Variants in CNTNAP5 observed in about 807,000 individuals in gnomAD.
The protein encoded by CNTNAP5 is contactin-associated protein-like 5.
A neutral mutation model predicts 150.2 loss-of-function variants in CNTNAP5; 72 were observed. The observed-to-expected ratio is 0.48, with a 90% CI of 0.40 to 0.58. The LOEUF is 0.58. Ranked by LOEUF, CNTNAP5 falls within the 20% of genes least tolerant of loss-of-function variation. CNTNAP5 has a pLI of 0.00. For synonymous variants in CNTNAP5, 672 were observed against 619.8 expected, an observed-to-expected ratio of 1.08 and a Z score of -1.25; for missense variants, 1,636 against 1,626.2, an observed-to-expected ratio of 1.01 and a Z score of -0.10.
chr2:124,488,102 A>G (rs1558923884), intron 7 of CNTNAP5, among the ~76,000 whole-genome samples: 2 of 152,228 alleles, frequency 1.3e-5, no homozygotes, highest in Non-Finnish European at 2.9e-5. Context: ...ATACTTATAG[A>G]TTATAGGAAA....
chr2:124,226,739 A>G (rs1038021755), intron 2 of CNTNAP5, among the ~76,000 whole-genome samples: 3 of 152,102 alleles, frequency 2.0e-5, no homozygotes, highest in African/African-American at 7.2e-5. Context: ...TTACAGTGAT[A>G]GAAGTTGAGA....
At chr2:124,079,697 G>T (rs1682516819) in intron 1 of CNTNAP5, among the ~76,000 whole-genome samples, 1 of 152,130 alleles carries the variant, frequency 6.6e-6, no homozygotes, top group Non-Finnish European at 1.5e-5. Context: ...TCATGTGTAT[G>T]TGCGTGTGTA....
intron 12 of CNTNAP5, among the ~76,000 whole-genome samples, chr2:124,642,903 C>A (rs59554866): frequency 7.0e-4 from 106 of 152,280 alleles, no homozygotes; most frequent in African/African-American, 2.2e-3. Context: ...TTGGGAAATA[C>A]TTTACTGGTT....
In CNTNAP5 at chr2:124,474,837, C is replaced by T. The variant is rs750657731; in HGVS notation, c.1017C>T (p.Asn339=). The change falls in exon 7 of 24, where the codon AAC becomes AAT. Residue 339 remains asparagine (N), a synonymous_variant. Coordinates refer to ENST00000682447, the MANE Select transcript of CNTNAP5 (RefSeq NM_001367498.1). ...CIENLYYNGV[N]IIDLAKRRKH... is the part of the protein sequence containing the mutation. ...AAAACCTTTACTACAATGGAGTAAA[C>T]ATAATTGACCTGGCTAAGAGACGAA... The T allele has an allele frequency of 3.7e-6, 6 of 1,606,506 alleles. No homozygotes were observed. The Admixed American group carries it at 8.6e-5, about 23-fold the overall frequency.
intron 19 of CNTNAP5, among the ~76,000 whole-genome samples, chr2:124,820,780 T>C (rs1053395803): frequency 6.6e-5 from 10 of 152,324 alleles, no homozygotes; most frequent in Non-Finnish European, 1.3e-4. Flanking sequence ...AGCTGACAAA[T>C]CCCAAATCTC....
rs779991769 is a variant in CNTNAP5 at position 124,798,124 on chromosome 2, G to A, written c.3021G>A (p.Thr1007=). 5.8e-5 allele frequency: 94 copies of A among 1,612,502 alleles called. No homozygotes were observed. The highest frequency in any genetic ancestry group is 7.2e-5 in the Non-Finnish European group (85 of 1,179,250). Residue 1007 remains threonine (T), a synonymous_variant, in exon 19 of 24, where the codon ACG becomes ACA. Transcript: ENST00000682447. ...TTTCTGCTGTTTTTGAGGCTGGCAC[G>A]TCGGTTACTTACATGTTTCAAGAAC... ...KEVSAVFEAG[T]SVTYMFQEPY...
intron 10 of CNTNAP5, among the ~76,000 whole-genome samples, chr2:124,550,830 T>C (rs1396500334): frequency 6.6e-6 from 1 of 152,142 alleles, no homozygotes; most frequent in Non-Finnish European, 1.5e-5. Flanking sequence ...TTTTGATATA[T>C]ATTATTTTAT....
intron 8 of CNTNAP5, among the ~76,000 whole-genome samples, chr2:124,520,039 C>A (rs1694817497): frequency 1.3e-5 from 2 of 152,066 alleles, no homozygotes; most frequent in Non-Finnish European, 2.9e-5. Flanking sequence ...ACTGAAAATT[C>A]CAGTATAATA....
chr2:124,662,549 T>C (rs1436399127), intron 13 of CNTNAP5, among the ~76,000 whole-genome samples: 1 of 152,238 alleles, frequency 6.6e-6, no homozygotes, highest in Admixed American at 6.5e-5. Flanking sequence ...AGTCCAGTTA[T>C]ATAAATGAGG....
chr2:124,146,969 T>G (rs1242806945), intron 1 of CNTNAP5, among the ~76,000 whole-genome samples: 3 of 151,884 alleles, frequency 2.0e-5, no homozygotes, highest in Admixed American at 6.6e-5. Context: ...TTGGCTGGGG[T>G]TGGGGGGAGA....
intron 7 of CNTNAP5, among the ~76,000 whole-genome samples, chr2:124,476,414 C>A (rs993712809): frequency 4.0e-5 from 6 of 151,642 alleles, no homozygotes; most frequent in Admixed American, 1.3e-4. Context: ...GACTGCTGCC[C>A]ATGTGATCTG....
At chr2:124,145,695 G>A (rs1451209873) in intron 1 of CNTNAP5, among the ~76,000 whole-genome samples, 6 of 132,220 alleles carry the variant, frequency 4.5e-5, no homozygotes, top group Non-Finnish European at 9.5e-5. Flanking sequence ...CCTAATGCTA[G>A]ATCACACGTT....
intron 12 of CNTNAP5, among the ~76,000 whole-genome samples, chr2:124,619,498 T>A (rs1313987765): frequency 1.3e-5 from 2 of 152,084 alleles, no homozygotes; most frequent in Non-Finnish European, 1.5e-5. Context: ...ATTTTATGTA[T>A]CAACTTGGCT....
intron 3 of CNTNAP5, among the ~76,000 whole-genome samples, chr2:124,293,779 A>G (rs1469655817): frequency 1.3e-5 from 2 of 152,008 alleles, no homozygotes; most frequent in Non-Finnish European, 2.9e-5. Flanking sequence ...CAATTGTCCT[A>G]GTAAAACACC....
intron 3 of CNTNAP5, among the ~76,000 whole-genome samples, chr2:124,391,725 G>A (rs1691114327): frequency 6.6e-6 from 1 of 152,226 alleles, no homozygotes. Flanking sequence ...GGAGGCCGAG[G>A]CGGGCGGATC....
intron 10 of CNTNAP5, among the ~76,000 whole-genome samples, chr2:124,533,351 T>G (rs1009057573): frequency 3.9e-5 from 6 of 152,158 alleles, no homozygotes; most frequent in Admixed American, 1.3e-4. Context: ...GAAGTGCTTG[T>G]TAAAACACAA....
chr2:124,473,895 A>T (rs1693578642), intron 6 of CNTNAP5, among the ~76,000 whole-genome samples: 1 of 152,092 alleles, frequency 6.6e-6, no homozygotes, highest in African/African-American at 2.4e-5. Context: ...GTTGTAAAAG[A>T]AGAAAACCGC....
chr2:124,178,672 C>T (rs552924432), intron 1 of CNTNAP5, among the ~76,000 whole-genome samples: 2 of 152,262 alleles, frequency 1.3e-5, no homozygotes, highest in East Asian at 3.9e-4. Flanking sequence ...GCTCATTCTC[C>T]ACCTTGGAAC....
In CNTNAP5 at chr2:124,221,529, C is replaced by T. The variant is rs1364011645; in HGVS notation, c.83-176C>T. Among the ~76,000 whole-genome samples the T allele has an allele frequency of 2.6e-5, 4 of 152,162 alleles. No homozygotes were observed. In the East Asian group the frequency reaches 5.8e-4, roughly 22 times the overall value. The stretch of plus-strand genomic sequence containing the variant: ...TCTGTGAAAGAAAGCTGGACCTGTC[C>T]TTCAGGGGTGCTGTGAGGAGTAGAT... On this transcript the variant is annotated intron_variant, in intron 1 of 23. Coordinates refer to ENST00000682447, the MANE Select transcript of CNTNAP5 (RefSeq NM_001367498.1).
Sources: allele counts gnomAD v4.1 joint callset (sites outside exome capture counted in the v4.1 genomes callset), GRCh38; gene constraint gnomAD v4.1.1; transcripts MANE v1.5; gene names NCBI Gene and HGNC (gene_info 2026-07-23, HGNC 2026-07-21).